SUCLG1: variants seen among roughly 807,000 people sequenced by gnomAD.
The protein encoded by SUCLG1 is succinate--CoA ligase [ADP/GDP-forming] subunit alpha, mitochondrial.
Under a neutral mutation model 37.3 loss-of-function variants are expected in SUCLG1, and 26 were observed. The ratio of observed to expected loss-of-function variants is 0.70; its 90% CI spans 0.51 to 0.97. The LOEUF is 0.97. Ranked by LOEUF, SUCLG1 falls within the 50% of genes least tolerant of loss-of-function variation. The pLI is 0.00. For missense variants in SUCLG1, 433 were observed against 432.9 expected, an observed-to-expected ratio of 1.00 and a Z score of 0.00; for synonymous variants, 163 against 155.6, an observed-to-expected ratio of 1.05 and a Z score of -0.36.
intron 1 of SUCLG1, among the ~76,000 whole-genome samples, chr2:84,458,848 G>A (rs967062055): frequency 7.2e-5 from 11 of 152,154 alleles, no homozygotes; most frequent in African/African-American, 2.7e-4. Flanking sequence ...AATAAGGCCA[G>A]TCTAGACGCC....
chr2:84,423,716 T>C lies in SUCLG1; in HGVS notation c.*30A>G, dbSNP rs1183248834. 3.8e-6 allele frequency: 6 copies of C among 1,590,088 alleles called. No individual in the cohort carries two copies. The South Asian group carries it at 4.5e-5, about 12-fold the overall frequency. The stretch of plus-strand genomic sequence containing the variant: ...CTGGGTTACATGTCTACGTGATCCA[T>C]TCCACAGTTTTAGGAATTTTTTTTT... On this transcript the variant is annotated 3_prime_UTR_variant, in exon 9 of 9. Coordinates refer to ENST00000393868, the MANE Select transcript of SUCLG1 (RefSeq NM_003849.4).
chr2:84,457,172 T>C (rs1376021127), intron 1 of SUCLG1, among the ~76,000 whole-genome samples: 2 of 152,142 alleles, frequency 1.3e-5, no homozygotes, highest in African/African-American at 4.8e-5. Context: ...TAATTTCTGG[T>C]CCCTTTTTAA....
At chr2:84,444,675 C>G (rs932522476) in intron 2 of SUCLG1, among the ~76,000 whole-genome samples, 1 of 152,126 alleles carries the variant, frequency 6.6e-6, no homozygotes, top group Non-Finnish European at 1.5e-5. Flanking sequence ...TTTTCTCATC[C>G]TAATAAGCCT....
At chr2:84,430,024 A>G (rs1185499274) in intron 7 of SUCLG1, among the ~76,000 whole-genome samples, 2 of 152,196 alleles carry the variant, frequency 1.3e-5, no homozygotes, top group African/African-American at 2.4e-5. Context: ...TAAGAGAGAA[A>G]TAAAAGTTAG....
At chr2:84,431,681 A>G in intron 6 of SUCLG1, 22 bp from the exon 7 acceptor site, 1 of 1,613,390 alleles carries the variant, frequency 6.2e-7, no homozygotes, top group South Asian at 1.1e-5. Flanking sequence ...GAAAAATATC[A>G]ATAGCTGGAA....
rs540906852 is a variant in SUCLG1 at position 84,435,521 on chromosome 2, C to G, written c.590-2086G>C. 2.6e-5 allele frequency among the ~76,000 whole-genome samples: 4 copies of G among 152,286 alleles called. No individual in the cohort carries two copies. In the East Asian group the frequency reaches 7.7e-4, roughly 29 times the overall value. On this transcript the variant is annotated intron_variant, in intron 5 of 8. Transcript: ENST00000393868. ...CCAGAAACAAGCAAGCAGGGGAGCC[C>G]TGGGAAAAGTCCTGGAGGCGCTGCC...
At chr2:84,448,582 A>T (rs1241209667) in intron 2 of SUCLG1, among the ~76,000 whole-genome samples, 1 of 151,874 alleles carries the variant, frequency 6.6e-6, no homozygotes, top group Admixed American at 6.6e-5. Flanking sequence ...CTTTAATAAT[A>T]AAAAAAGGGA....
Position 84,423,749 on chromosome 2 carries a change from T to G in SUCLG1, c.1038A>C (p.Leu346=). ...TTTTAGGAATTTTTTTTTTCTTTCA[T>G]AGCATCTTCCTCTTTTCAAATTCCT... is the stretch of plus-strand genomic sequence containing the variant. ...IYKEFEKRKM[L] is the part of the protein sequence containing the mutation. The change falls in exon 9 of 9, where the codon CTA becomes CTC. Residue 346 remains leucine (L), a synonymous_variant. Transcript: ENST00000393868. 1.2e-6 allele frequency: 2 copies of G among 1,604,950 alleles called. No homozygotes were observed. The highest frequency in any genetic ancestry group is 1.7e-6 in the Non-Finnish European group (2 of 1,174,244).
chr2:84,447,245 C>G (rs950931145), intron 2 of SUCLG1, among the ~76,000 whole-genome samples: 2 of 152,186 alleles, frequency 1.3e-5, no homozygotes, highest in African/African-American at 2.4e-5. Flanking sequence ...TCACCATTAT[C>G]TCTAAAATGA....
At chr2:84,449,819 A>G in intron 1 of SUCLG1, 67 bp from the exon 2 acceptor site, 1 of 1,303,968 alleles carries the variant, frequency 7.7e-7, no homozygotes, top group Non-Finnish European at 1.1e-6. Context: ...ACTTTTGAAC[A>G]ATAATTCAAC....
rs1672762539 is a variant in SUCLG1, at chr2:84,441,027, A to C, written c.589+20T>G. 5 of 1,612,598 alleles carry C rather than the reference A, an allele frequency of 3.1e-6. No homozygotes were observed. In the East Asian group the frequency reaches 1.1e-4, roughly 36 times the overall value. On this transcript the variant is annotated intron_variant, in intron 5 of 8. Coordinates refer to ENST00000393868, the MANE Select transcript of SUCLG1 (RefSeq NM_003849.4). ...GGCAAATAACGTTTTAATCTATAAG[A>C]ATGTAACAAACAAACTCACCAATCC... is the stretch of plus-strand genomic sequence containing the variant.
intron 6 of SUCLG1, 126 bp from the exon 7 acceptor site, chr2:84,431,785 A>C (rs776767968): frequency 1.2e-5 from 11 of 924,522 alleles, no homozygotes; most frequent in Middle Eastern, 3.2e-4. Flanking sequence ...TAAATGTATC[A>C]TTGCTCTTGC....
At chr2:84,445,216 T>C (rs1452527192) in intron 2 of SUCLG1, among the ~76,000 whole-genome samples, 2 of 152,196 alleles carry the variant, frequency 1.3e-5, no homozygotes, top group Non-Finnish European at 2.9e-5. Flanking sequence ...AAAGTATTAA[T>C]TTGGGGAACT....
chr2:84,448,250 A>G (rs1429775046), intron 2 of SUCLG1, among the ~76,000 whole-genome samples: 1 of 152,086 alleles, frequency 6.6e-6, no homozygotes, highest in East Asian at 1.9e-4. Context: ...TGCAGTCTAT[A>G]GGATTTGGCC....
chr2:84,453,399 TAAG>T (rs973571998), intron 1 of SUCLG1, among the ~76,000 whole-genome samples: 49 of 147,830 alleles, frequency 3.3e-4, no homozygotes, highest in African/African-American at 1.0e-3. Context: ...GCTTTACTAA[TAAG>T]AAGAAAATAA....
At chr2:84,450,792 C>A (rs1408171064) in intron 1 of SUCLG1, among the ~76,000 whole-genome samples, 1 of 152,224 alleles carries the variant, frequency 6.6e-6, no homozygotes, top group East Asian at 1.9e-4. Context: ...TAAGTCCTGA[C>A]CTCACATTAC....
intron 1 of SUCLG1, among the ~76,000 whole-genome samples, chr2:84,455,292 T>G (rs1242211839): frequency 6.6e-6 from 1 of 151,986 alleles, no homozygotes; most frequent in Non-Finnish European, 1.5e-5. Flanking sequence ...GTCAGGAGTT[T>G]GAGACCAGCC....
rs1573366118 is a variant in SUCLG1, at chr2:84,434,736, A to AGG, written c.590-1302_590-1301insCC. 2.9e-5 allele frequency among the ~76,000 whole-genome samples: 4 copies of AGG among 137,008 alleles called. No homozygotes were observed. In the East Asian group the frequency reaches 7.9e-4, roughly 27 times the overall value. The allele number at this position is 137,008 out of a possible 152,430, so 89.9% of individuals were successfully genotyped here. A position where few individuals can be genotyped will look rare whatever the true frequency, so the allele number is the denominator to read the frequency against. On this transcript the variant is annotated intron_variant, in intron 5 of 8. Transcript: ENST00000393868. Reference sequence around the variant, plus strand: ...TTCTTGTCAACCTGAGACAAAAACCATAACTATAAGTTACCTCAACTTCCG... The same window carrying AGG: ...TTCTTGTCAACCTGAGACAAAAACCAGGTAACTATAAGTTACCTCAACTTCCG...
Position 84,431,448 on chromosome 2 carries a change from T to G in SUCLG1, c.825+60A>C, listed in dbSNP as rs149171674. The G allele has an allele frequency of 8.7e-6, 14 of 1,601,612 alleles. No individual in the cohort carries two copies. The African/African-American group carries it at 1.9e-4, about 22-fold the overall frequency. On this transcript the variant is annotated intron_variant, in intron 7 of 8. Coordinates refer to ENST00000393868, the MANE Select transcript of SUCLG1 (RefSeq NM_003849.4). ...CACCTTTGAAAAAATAAAAATAACTTCTGAAACAAGCCTCTGATATTAAGA... is the reference window on the plus strand; with the variant it reads ...CACCTTTGAAAAAATAAAAATAACTGCTGAAACAAGCCTCTGATATTAAGA...
Sources: gnomAD v4.1 joint callset for allele counts (sites outside exome capture counted in the v4.1 genomes callset) on GRCh38, gnomAD v4.1.1 for gene constraint, MANE v1.5 for transcripts, NCBI Gene and HGNC (gene_info 2026-07-23, HGNC 2026-07-21) for gene names.